Variants in SPMIP7 observed in about 807,000 individuals in gnomAD.
The protein encoded by SPMIP7 is protein SPMIP7.
At chr7:50,159,007 A>T in the SPMIP7 span, 1 of 1,545,952 alleles carries the variant, frequency 6.5e-7, no homozygotes, top group Non-Finnish European at 8.7e-7. Flanking sequence ...CATGTCTTTT[A>T]TGTCTCATTT....
the SPMIP7 span, among the ~76,000 whole-genome samples, chr7:50,102,025 A>G: frequency 6.6e-6 from 1 of 152,194 alleles, no homozygotes; most frequent in East Asian, 1.9e-4. Flanking sequence ...TATGATAATA[A>G]TAATGCCAAA....
At chr7:50,105,128 C>T in the SPMIP7 span, among the ~76,000 whole-genome samples, 1 of 151,596 alleles carries the variant, frequency 6.6e-6, no homozygotes, top group Non-Finnish European at 1.5e-5. Context: ...TTTATAGTCT[C>T]TAAATCCTTG....
chr7:50,125,149 CACATATATAT>C, the SPMIP7 span, among the ~76,000 whole-genome samples: 2 of 112,426 alleles, frequency 1.8e-5, no homozygotes, highest in Admixed American at 1.0e-4. Context: ...CACATATACA[CACATATATAT>C]ACACATATAT....
At chr7:50,145,008 T>C in the SPMIP7 span, among the ~76,000 whole-genome samples, 18 of 152,070 alleles carry the variant, frequency 1.2e-4, no homozygotes, top group African/African-American at 4.3e-4. Context: ...ACACCTGTAG[T>C]CCTAGCACTT....
At chr7:50,136,842 C>T in the SPMIP7 span, among the ~76,000 whole-genome samples, 1 of 152,022 alleles carries the variant, frequency 6.6e-6, no homozygotes, top group African/African-American at 2.4e-5. Context: ...AGGTTATCAT[C>T]TTTGTTTTTA....
the SPMIP7 span, chr7:50,159,240 G>C: frequency 1.3e-6 from 2 of 1,505,418 alleles, no homozygotes; most frequent in South Asian, 2.5e-5. Context: ...GGAAATAAAG[G>C]CTGCTTCTCC....
At chr7:50,151,554 A>G in the SPMIP7 span, 1 of 1,542,560 alleles carries the variant, frequency 6.5e-7, no homozygotes, top group Non-Finnish European at 8.8e-7. Flanking sequence ...TCAGAACTGC[A>G]CCGGTAAGTA....
chr7:50,112,691 C>CA, the SPMIP7 span, among the ~76,000 whole-genome samples: 55 of 152,218 alleles, frequency 3.6e-4, no homozygotes, highest in Non-Finnish European at 6.6e-4. Context: ...AGAAGGGAAA[C>CA]TAACGATGTG....
At chr7:50,132,212 A>G in the SPMIP7 span, among the ~76,000 whole-genome samples, 4 of 152,160 alleles carry the variant, frequency 2.6e-5, no homozygotes, top group Middle Eastern at 3.4e-3. Context: ...TGAACATGGG[A>G]TCCTTGTTGA....
chr7:50,125,375 C>CATATATACACATATACACATATATAT, the SPMIP7 span, among the ~76,000 whole-genome samples: 2 of 87,756 alleles, frequency 2.3e-5, no homozygotes, highest in African/African-American at 8.2e-5. Context: ...CATATATATA[C>CATATATACACATATACACATATATAT]ACATATACAC....
the SPMIP7 span, among the ~76,000 whole-genome samples, chr7:50,136,643 C>T: frequency 3.9e-5 from 6 of 152,180 alleles, no homozygotes; most frequent in East Asian, 5.8e-4. Flanking sequence ...ATAGATTATA[C>T]ATTATTTTCA....
chr7:50,097,683 T>TTAAA, the SPMIP7 span, among the ~76,000 whole-genome samples: 1 of 142,214 alleles, frequency 7.0e-6, no homozygotes, highest in Non-Finnish European at 1.5e-5. Context: ...CATTTTATGT[T>TTAAA]AAAAAAAAAA....
the SPMIP7 span, chr7:50,120,125 TC>T: frequency 3.3e-5 from 5 of 152,320 alleles, no homozygotes; most frequent in East Asian, 9.6e-4. Flanking sequence ...ACTCCTGTCT[TC>T]CAAATAGCTT....
the SPMIP7 span, chr7:50,141,272 T>C: frequency 5.2e-3 from 7,880 of 1,522,008 alleles, 41 homozygotes; most frequent in Middle Eastern, 0.025. Context: ...TTCCTTTCCA[T>C]TCTAACAGTG....
chr7:50,117,406 G>C, the SPMIP7 span: 1 of 330,182 alleles, frequency 3.0e-6, no homozygotes, highest in Middle Eastern at 3.9e-4. Context: ...ACCTTTATTT[G>C]CAAGTCTTGC....
the SPMIP7 span, among the ~76,000 whole-genome samples, chr7:50,147,866 G>A: frequency 6.6e-6 from 1 of 152,208 alleles, no homozygotes; most frequent in Non-Finnish European, 1.5e-5. Flanking sequence ...ACTAGAAGCT[G>A]TGGAGCAAAG....
the SPMIP7 span, among the ~76,000 whole-genome samples, chr7:50,134,958 C>T: frequency 1.3e-5 from 2 of 152,246 alleles, no homozygotes; most frequent in Non-Finnish European, 2.9e-5. Context: ...CCCTCCTTAG[C>T]TTCATCCCTG....
chr7:50,152,597 G>C, the SPMIP7 span, among the ~76,000 whole-genome samples: 1 of 152,074 alleles, frequency 6.6e-6, no homozygotes, highest in Non-Finnish European at 1.5e-5. Context: ...ACGGCAGTTC[G>C]CCCCCAAAAG....
chr7:50,123,464 G>A, the SPMIP7 span, among the ~76,000 whole-genome samples: 1 of 148,522 alleles, frequency 6.7e-6, no homozygotes, highest in South Asian at 2.2e-4. Context: ...TATACCTAAT[G>A]CTAGATGACG....
Sources: allele counts gnomAD v4.1 joint callset (sites outside exome capture counted in the v4.1 genomes callset), GRCh38; gene constraint gnomAD v4.1.1; transcripts MANE v1.5; gene names NCBI Gene and HGNC (gene_info 2026-07-23, HGNC 2026-07-21).